Variants in ARMH3 observed in about 807,000 individuals in gnomAD.
ARMH3 encodes the protein armadillo like helical domain containing 3.
In ARMH3, 60 loss-of-function variants were observed where a neutral mutation model predicts 99.1. The ratio of observed to expected loss-of-function variants is 0.61; its 90% CI spans 0.49 to 0.75. ARMH3 has a LOEUF of 0.75. Among genes scored for constraint, ARMH3 ranks in the 30% least tolerant of loss-of-function variants. The probability of loss-of-function intolerance (pLI) is 0.00; values close to 1 mark genes in which losing one functional copy is unlikely to be tolerated. For missense variants in ARMH3, 679 were observed against 843.1 expected (o/e 0.81, Z 2.41); for synonymous variants, 285 against 292.8 (o/e 0.97, Z 0.27).
chr10:101,911,940 G>A (rs1344967554), intron 23 of ARMH3, among the ~76,000 whole-genome samples: 1 of 152,148 alleles, frequency 6.6e-6, no homozygotes, highest in African/African-American at 2.4e-5. Context: ...GGCTGAAGCA[G>A]GAGAATCACT....
chr10:101,873,199 C>T (rs1029733746), intron 24 of ARMH3, among the ~76,000 whole-genome samples: 1 of 148,774 alleles, frequency 6.7e-6, no homozygotes, highest in African/African-American at 2.5e-5. Flanking sequence ...GTAAGGAGTT[C>T]AAGACCAGCC....
intron 23 of ARMH3, among the ~76,000 whole-genome samples, chr10:101,932,374 C>T (rs998105422): frequency 4.6e-5 from 7 of 152,134 alleles, no homozygotes; most frequent in African/African-American, 1.2e-4. Flanking sequence ...AAATGTTATA[C>T]AGAGAATTAC....
Position 101,993,606 on chromosome 10 carries a change from A to G in ARMH3, c.1210-3T>C. On this transcript the variant is annotated splice_polypyrimidine_tract_variant and splice_region_variant and intron_variant, in intron 16 of 25. Coordinates refer to ENST00000370033, the MANE Select transcript of ARMH3 (RefSeq NM_024541.3). ...AAAAATGCATTGGCATATTGATCCT[A>G]ATAAAAATATAGAGAAAAAGTAAGA... 1 of 1,577,714 alleles carries G rather than the reference A, an allele frequency of 6.3e-7. No homozygotes were observed. The highest frequency in any genetic ancestry group is 8.6e-7 in the Non-Finnish European group (1 of 1,157,050).
chr10:101,918,289 A>G (rs1843165965), intron 23 of ARMH3, among the ~76,000 whole-genome samples: 2 of 152,140 alleles, frequency 1.3e-5, no homozygotes, highest in Admixed American at 1.3e-4. Flanking sequence ...CCTGACCTCA[A>G]GTGATCCGCT....
At position 102,009,980 on chromosome 10, in the gene ARMH3, A is replaced by G. The variant is rs778749466; in HGVS notation, c.875T>C (p.Val292Ala). 1.9e-6 allele frequency: 3 copies of G among 1,613,934 alleles called. No homozygotes were observed. The highest frequency in any genetic ancestry group is 2.5e-6 in the Non-Finnish European group (3 of 1,179,846). Residue 292 changes from valine to alanine, a missense_variant, in exon 12 of 26, where the codon GTA (valine) becomes GCA (alanine). Val to Ala is a moderately conservative substitution (Grantham distance 64). Transcript: ENST00000370033. The stretch of plus-strand genomic sequence containing the variant: ...CACAAGAATGTCAGGCACTTACTGT[A>G]CTGAGATTTTCTCATGGGCATCTGC... ...FIADAHEKIS[V>A]QTNEAILLAL...
At chr10:102,055,358 G>A (rs1564892118) in intron 1 of ARMH3, among the ~76,000 whole-genome samples, 1 of 152,050 alleles carries the variant, frequency 6.6e-6, no homozygotes, top group Non-Finnish European at 1.5e-5. Flanking sequence ...TGGAGAGGAA[G>A]AACTGCGGAG....
At chr10:101,922,991 T>C (rs1197819050) in intron 23 of ARMH3, among the ~76,000 whole-genome samples, 1 of 152,168 alleles carries the variant, frequency 6.6e-6, no homozygotes, top group Non-Finnish European at 1.5e-5. Context: ...ACTCCATGTT[T>C]GACATCCCAC....
intron 1 of ARMH3, among the ~76,000 whole-genome samples, chr10:102,054,821 C>G (rs2067797493): frequency 6.7e-6 from 1 of 150,354 alleles, no homozygotes; most frequent in African/African-American, 2.5e-5. Context: ...CATGGCGAAA[C>G]CCTGTCTCTA....
chr10:102,045,951 C>T (rs528044887), intron 1 of ARMH3, among the ~76,000 whole-genome samples: 4 of 151,982 alleles, frequency 2.6e-5, no homozygotes, highest in Admixed American at 6.6e-5. Context: ...AAAAATTAGA[C>T]GGGCATGGTG....
At chr10:101,992,181 G>T (rs879177958) in intron 17 of ARMH3, 143 bp from the exon 18 acceptor site, 1 of 731,810 alleles carries the variant, frequency 1.4e-6, no homozygotes, top group Middle Eastern at 2.4e-4. Context: ...GGTGGGAGAG[G>T]AATGAGGTAG....
At chr10:101,848,752 G>A (rs990283516) in intron 25 of ARMH3, among the ~76,000 whole-genome samples, 6 of 152,076 alleles carry the variant, frequency 3.9e-5, no homozygotes, top group Admixed American at 1.3e-4. Flanking sequence ...CACCGCTCCC[G>A]TAACCCTCTC....
intron 25 of ARMH3, 31 bp from the exon 26 acceptor site, chr10:101,847,651 G>T (rs1353160257): frequency 1.9e-6 from 3 of 1,597,788 alleles, no homozygotes; most frequent in Non-Finnish European, 2.6e-6. Flanking sequence ...AAGGTGGGAG[G>T]GCGCAGCCAG....
intron 20 of ARMH3, among the ~76,000 whole-genome samples, chr10:101,971,278 T>C (rs1208677033): frequency 1.3e-5 from 2 of 151,688 alleles, no homozygotes; most frequent in Admixed American, 6.6e-5. Flanking sequence ...GTGTGACTAG[T>C]AAATAAAGAA....
intron 14 of ARMH3, among the ~76,000 whole-genome samples, chr10:102,003,330 T>G (rs2066411482): frequency 6.6e-6 from 1 of 152,088 alleles, no homozygotes; most frequent in Non-Finnish European, 1.5e-5. Flanking sequence ...GCCCAGCTAA[T>G]TTTTGTATTT....
intron 20 of ARMH3, among the ~76,000 whole-genome samples, chr10:101,971,889 A>C (rs1040183263): frequency 6.6e-6 from 1 of 152,242 alleles, no homozygotes; most frequent in Non-Finnish European, 1.5e-5. Context: ...TGGGTTGCCT[A>C]GACATCAGAG....
intron 22 of ARMH3, among the ~76,000 whole-genome samples, chr10:101,945,457 C>T (rs1338052588): frequency 1.3e-5 from 2 of 152,172 alleles, no homozygotes; most frequent in African/African-American, 4.8e-5. Context: ...GTGGCTCGCG[C>T]TTGTAATCCC....
chr10:101,860,797 C>G (rs770819699), intron 24 of ARMH3, among the ~76,000 whole-genome samples: 67 of 152,152 alleles, frequency 4.4e-4, no homozygotes, highest in Non-Finnish European at 7.6e-4. Flanking sequence ...AATAGTTACA[C>G]CCGAGCAGTG....
chr10:102,026,251 G>A (rs1187831880), intron 5 of ARMH3, among the ~76,000 whole-genome samples: 1 of 152,184 alleles, frequency 6.6e-6, no homozygotes, highest in Non-Finnish European at 1.5e-5. Flanking sequence ...AAGCATGCTG[G>A]AAGGCCAAGG....
intron 1 of ARMH3, among the ~76,000 whole-genome samples, chr10:102,047,160 T>C (rs993543642): frequency 6.6e-6 from 1 of 152,174 alleles, no homozygotes; most frequent in Non-Finnish European, 1.5e-5. Context: ...TAAAACACCC[T>C]AATGTCCACT....
Sources: gnomAD v4.1 joint callset for allele counts (sites outside exome capture counted in the v4.1 genomes callset) on GRCh38, gnomAD v4.1.1 for gene constraint, MANE v1.5 for transcripts, NCBI Gene and HGNC (gene_info 2026-07-23, HGNC 2026-07-21) for gene names.